OR10A6: variants seen among roughly 807,000 people sequenced by gnomAD.
The protein encoded by OR10A6 is olfactory receptor 10A6.
Under a neutral mutation model 1.5 loss-of-function variants are expected in OR10A6, and 2 were observed. The observed-to-expected ratio is 1.31, with a 90% CI of 0.54 to 4.13. The LOEUF is 4.13. Ranked by LOEUF, OR10A6 falls within the 30% of genes most tolerant of loss-of-function variation. The pLI is 0.07. For missense variants in OR10A6, 492 were observed against 368.6 expected (o/e 1.33, Z -2.74); for synonymous variants, 169 against 137.3 (o/e 1.23, Z -1.61).
chr11:7,927,433 G>C lies in OR10A6; in HGVS notation c.*285C>G, dbSNP rs1393768249. On this transcript the variant is annotated 3_prime_UTR_variant, in exon 4 of 4. Coordinates refer to ENST00000641238, the MANE Select transcript of OR10A6 (RefSeq NM_001004461.2). ...ATTTATGAATATATAAAAACTGGTTGTTTTAGTATTATCTATTGTGACAAA... is the reference window on the plus strand; with the variant it reads ...ATTTATGAATATATAAAAACTGGTTCTTTTAGTATTATCTATTGTGACAAA... 9.5e-6 allele frequency: 3 copies of C among 314,676 alleles called. No individual in the cohort carries two copies. In the Admixed American group the frequency reaches 1.4e-4, roughly 15 times the overall value. The allele number at this position is 314,676 out of a possible 1,614,324, so 19.5% of individuals were successfully genotyped here.
rs903496014 is a variant in OR10A6, at chr11:7,924,768, G to A, written c.*2950C>T. On this transcript the variant is annotated 3_prime_UTR_variant, in exon 4 of 4. Transcript: ENST00000641238. ...TCTAGCTTTCCACTTGGCCTCTGTA[G>A]GGCCTGGCTTTTCTAGTCATGCTTT... 1.3e-5 allele frequency: 2 copies of A among 152,126 alleles called. No individual in the cohort carries two copies. The highest frequency in any genetic ancestry group is 4.8e-5 in the African/African-American group (2 of 41,428). 9.4% of individuals were successfully genotyped at this position (152,126 alleles called of 1,614,324 possible). A position where few individuals can be genotyped will look rare whatever the true frequency, so the allele number is the denominator to read the frequency against.
In OR10A6 at chr11:7,930,186, GC is replaced by G. The variant is rs772288399; in HGVS notation, c.-1525del. 5.9e-5 allele frequency: 9 copies of G among 151,480 alleles called. No individual in the cohort carries two copies. The highest frequency in any genetic ancestry group is 1.3e-4 in the Non-Finnish European group (9 of 67,926). The allele number at this position is 151,480 out of a possible 1,614,324, so 9.4% of individuals were successfully genotyped here. On this transcript the variant is annotated 5_prime_UTR_variant, in exon 4 of 4. Coordinates refer to ENST00000641238, the MANE Select transcript of OR10A6 (RefSeq NM_001004461.2). ...GGAATAGAGTGCCTAAGAGAAGTCA[GC>G]ACACAACACAATTGGAAATTAATAA...
Position 7,926,005 on chromosome 11 carries a change from TC to T in OR10A6, c.*1712del, listed in dbSNP as rs1701572153. On this transcript the variant is annotated 3_prime_UTR_variant, in exon 4 of 4. Coordinates refer to ENST00000641238, the MANE Select transcript of OR10A6 (RefSeq NM_001004461.2). ...ATTTCACATACTTTCCTCTGATTGT[TC>T]CCCGCTCTTCACCTATTTTACATAT... 6.6e-6 allele frequency: 1 copy of T among 152,216 alleles called. No individual in the cohort carries two copies. The highest frequency in any genetic ancestry group is 6.5e-5 in the Admixed American group (1 of 15,274). 9.4% of individuals were successfully genotyped at this position (152,216 alleles called of 1,614,324 possible). A position where few individuals can be genotyped will look rare whatever the true frequency, so the allele number is the denominator to read the frequency against.
chr11:7,927,194 C>G lies in OR10A6; in HGVS notation c.*524G>C, dbSNP rs953963696. 6.6e-6 allele frequency: 1 copy of G among 152,250 alleles called. No homozygotes were observed. The highest frequency in any genetic ancestry group is 1.5e-5 in the Non-Finnish European group (1 of 68,112). 9.4% of individuals were successfully genotyped at this position (152,250 alleles called of 1,614,324 possible). ...CCTACTTATGTATGGAACAGATTTT[C>G]ACTACAGAAGCAGAAAATCTCATCT... On this transcript the variant is annotated 3_prime_UTR_variant, in exon 4 of 4. Coordinates refer to ENST00000641238, the MANE Select transcript of OR10A6 (RefSeq NM_001004461.2).
Position 7,927,729 on chromosome 11 carries a change from G to A in OR10A6, c.934C>T (p.His312Tyr). ...GCTTCTCAACACAGTCAGATTGTGT[G>A]TAAAACCACTCGCCTTCGCCATAAT... is the stretch of plus-strand genomic sequence containing the variant. ...MKLWRRRVVL[H>Y]TI Residue 312 changes from histidine to tyrosine, a missense_variant, in exon 4 of 4, where the codon CAC becomes TAC. Transcript: ENST00000641238. The A allele has an allele frequency of 6.2e-7, 1 of 1,611,328 alleles. No homozygotes were observed. Among genetic ancestry groups the A allele is most frequent in the South Asian group, 1.1e-5 (1 of 90,944 alleles).
chr11:7,928,127 C>T lies in OR10A6; in HGVS notation c.536G>A (p.Cys179Tyr), dbSNP rs1468303977. The T allele has an allele frequency of 1.2e-6, 2 of 1,613,796 alleles. No homozygotes were observed. Among genetic ancestry groups the T allele is most frequent in the Non-Finnish European group, 1.7e-6 (2 of 1,179,996 alleles). Residue 179 changes from cysteine to tyrosine, a missense_variant, in exon 4 of 4, where the codon TGT becomes TAT. Physicochemically the swap from Cys to Tyr is radical, Grantham distance 194. Transcript: ENST00000641238. ...CGLNEINHIS[C>Y]ETPAVLELAC... ...AAGTTCTAACACTGCTGGGGTTTCACAAGATATATGGTTAATTTCATTAAG... is the reference window on the plus strand; with the variant it reads ...AAGTTCTAACACTGCTGGGGTTTCATAAGATATATGGTTAATTTCATTAAG...
chr11:7,926,684 C>T lies in OR10A6; in HGVS notation c.*1034G>A, dbSNP rs771478254. ...TTTGATATAGATTTAATGAGAAGAACCCTTTCTATTTATTATAGCAATATT... is the reference window on the plus strand; with the variant it reads ...TTTGATATAGATTTAATGAGAAGAATCCTTTCTATTTATTATAGCAATATT... On this transcript the variant is annotated 3_prime_UTR_variant, in exon 4 of 4. Coordinates refer to ENST00000641238, the MANE Select transcript of OR10A6 (RefSeq NM_001004461.2). 8.5e-5 allele frequency: 13 copies of T among 152,086 alleles called. No individual in the cohort carries two copies. The highest frequency in any genetic ancestry group is 1.9e-4 in the Non-Finnish European group (13 of 68,002). 9.4% of individuals were successfully genotyped at this position (152,086 alleles called of 1,614,324 possible).
rs1183345290 is a variant in OR10A6, at chr11:7,928,808, G to T, written c.-146C>A. On this transcript the variant is annotated 5_prime_UTR_variant, in exon 4 of 4. Transcript: ENST00000641238. ...GCCTATCCTGACAGAAATTTTCTTT[G>T]GCAATTTTAGACAATGACCAAATAC... 1 of 444,826 alleles carries T rather than the reference G, an allele frequency of 2.2e-6. No individual in the cohort carries two copies. The highest frequency in any genetic ancestry group is 4.1e-5 in the Admixed American group (1 of 24,294). 27.6% of individuals were successfully genotyped at this position (444,826 alleles called of 1,614,324 possible).
At position 7,929,881 on chromosome 11, in the gene OR10A6, TTAAA is replaced by T. The variant is rs1162806988; in HGVS notation, c.-1223_-1220del. The T allele has an allele frequency of 7.1e-6, 1 of 141,758 alleles. No homozygotes were observed. The highest frequency in any genetic ancestry group is 1.5e-5 in the Non-Finnish European group (1 of 65,552). 8.8% of individuals were successfully genotyped at this position (141,758 alleles called of 1,614,324 possible). A position where few individuals can be genotyped will look rare whatever the true frequency, so the allele number is the denominator to read the frequency against. On this transcript the variant is annotated 5_prime_UTR_variant, in exon 4 of 4. Coordinates refer to ENST00000641238, the MANE Select transcript of OR10A6 (RefSeq NM_001004461.2). ...TTAAGAAATATGTGTAAAATATATT[TTAAA>T]TATTTATATAAATATAAACAGATTA...
At position 7,928,206 on chromosome 11, in the gene OR10A6, A is replaced by T. The variant is rs773927414; in HGVS notation, c.457T>A (p.Phe153Ile). Residue 153 changes from phenylalanine (F) to isoleucine (I), a missense_variant, in exon 4 of 4, where the codon TTT becomes ATT. Transcript: ENST00000641238. ...GATGTTTGAACAGTACCTAACATAA[A>T]ACCTAAGGCCCATGAAAATATAATT... The part of the protein sequence containing the change: ...KLIIFSWALG[F>I]MLGTVQTSWV... The T allele has an allele frequency of 9.9e-6, 16 of 1,611,672 alleles. No homozygotes were observed. The African/African-American group carries it at 2.0e-4, about 20-fold the overall frequency.
chr11:7,924,689 G>A lies in OR10A6; in HGVS notation c.*3029C>T, dbSNP rs1342885638. The A allele has an allele frequency of 1.3e-5, 2 of 152,016 alleles. No homozygotes were observed. The highest frequency in any genetic ancestry group is 1.9e-4 in the East Asian group (1 of 5,166). 9.4% of individuals were successfully genotyped at this position (152,016 alleles called of 1,614,324 possible). ...GAAGTAACAGTCAGTAAACAAATAG[G>A]CAGGAGAGGAATGATAAGGTCACTA... On this transcript the variant is annotated 3_prime_UTR_variant, in exon 4 of 4. Coordinates refer to ENST00000641238, the MANE Select transcript of OR10A6 (RefSeq NM_001004461.2).
rs1280545347 is a variant in OR10A6 at position 7,929,971 on chromosome 11, T to TATATGTATATATATATATATATATAC, written c.-1310_-1309insGTATATATATATATATATATACATAT. The TATATGTATATATATATATATATATAC allele has an allele frequency of 2.6e-5, 2 of 76,702 alleles. No individual in the cohort carries two copies. The highest frequency in any genetic ancestry group is 6.9e-4 in the East Asian group (2 of 2,886). 4.8% of individuals were successfully genotyped at this position (76,702 alleles called of 1,614,324 possible). ...TAAGGTATGTGTATGTGTATGTATA[T>TATATGTATATATATATATATATATAC]ATATATATATATATATATATATAAA... On this transcript the variant is annotated 5_prime_UTR_variant, in exon 4 of 4. The change creates a new upstream start codon in the 5' untranslated region. Coordinates refer to ENST00000641238, the MANE Select transcript of OR10A6 (RefSeq NM_001004461.2).
chr11:7,926,154 G>T lies in OR10A6; in HGVS notation c.*1564C>A, dbSNP rs1205005088. Reference sequence around the variant, plus strand: ...ACTTCCCATTTTGAGTCCCTAAAAGGTCCTGGACCCAGCCACCATGGTGGG... The same window carrying T: ...ACTTCCCATTTTGAGTCCCTAAAAGTTCCTGGACCCAGCCACCATGGTGGG... On this transcript the variant is annotated 3_prime_UTR_variant, in exon 4 of 4. Coordinates refer to ENST00000641238, the MANE Select transcript of OR10A6 (RefSeq NM_001004461.2). The T allele has an allele frequency of 2.0e-5, 3 of 152,296 alleles. No individual in the cohort carries two copies. Among genetic ancestry groups the T allele is most frequent in the East Asian group, 3.8e-4 (2 of 5,200 alleles). The allele number at this position is 152,296 out of a possible 1,614,324, so 9.4% of individuals were successfully genotyped here. A position where few individuals can be genotyped will look rare whatever the true frequency, so the allele number is the denominator to read the frequency against.
In OR10A6 at chr11:7,924,735, A is replaced by T. The variant is rs921838350; in HGVS notation, c.*2983T>A. On this transcript the variant is annotated 3_prime_UTR_variant, in exon 4 of 4. Transcript: ENST00000641238. ...CACTACGCAATGCCGTCACAGACCC[A>T]GGGGCCCTCTAGCTTTCCACTTGGC... The T allele has an allele frequency of 1.3e-5, 2 of 152,158 alleles. No individual in the cohort carries two copies. Among genetic ancestry groups the T allele is most frequent in the Non-Finnish European group, 2.9e-5 (2 of 68,046 alleles). The allele number at this position is 152,158 out of a possible 1,614,324, so 9.4% of individuals were successfully genotyped here.
In OR10A6 at chr11:7,929,964, A is replaced by ATATATG. The variant is rs1554906107; in HGVS notation, c.-1303_-1302insCATATA. 2.4e-4 allele frequency: 12 copies of ATATATG among 49,142 alleles called. No individual in the cohort carries two copies. The highest frequency in any genetic ancestry group is 1.0e-3 in the East Asian group (2 of 1,960). The allele number at this position is 49,142 out of a possible 1,614,324, so 3.0% of individuals were successfully genotyped here. ...GCTCTAGTAAGGTATGTGTATGTGT[A>ATATATG]TGTATATATATATATATATATATAT... On this transcript the variant is annotated 5_prime_UTR_variant, in exon 4 of 4. Transcript: ENST00000641238.
Position 7,926,621 on chromosome 11 carries a change from C to T in OR10A6, c.*1097G>A, listed in dbSNP as rs1243219982. The T allele has an allele frequency of 6.6e-6, 1 of 152,108 alleles. No homozygotes were observed. Among genetic ancestry groups the T allele is most frequent in the East Asian group, 1.9e-4 (1 of 5,192 alleles). 9.4% of individuals were successfully genotyped at this position (152,108 alleles called of 1,614,324 possible). A position where few individuals can be genotyped will look rare whatever the true frequency, so the allele number is the denominator to read the frequency against. On this transcript the variant is annotated 3_prime_UTR_variant, in exon 4 of 4. Coordinates refer to ENST00000641238, the MANE Select transcript of OR10A6 (RefSeq NM_001004461.2). ...TTCTAACCGCTTTATTACCCCACCTCCACCCCCAGAGCAGAAATGAAGGGT... is the reference window on the plus strand; with the variant it reads ...TTCTAACCGCTTTATTACCCCACCTTCACCCCCAGAGCAGAAATGAAGGGT...
Position 7,925,815 on chromosome 11 carries a change from T to G in OR10A6, c.*1903A>C, listed in dbSNP as rs1859386066. On this transcript the variant is annotated 3_prime_UTR_variant, in exon 4 of 4. Coordinates refer to ENST00000641238, the MANE Select transcript of OR10A6 (RefSeq NM_001004461.2). Reference sequence around the variant, plus strand: ...GTTTGGTGCCCAAATGAAAACAGTATTATACAACATTCAGATATCACTGAT... The same window carrying G: ...GTTTGGTGCCCAAATGAAAACAGTAGTATACAACATTCAGATATCACTGAT... 1 of 152,320 alleles carries G rather than the reference T, an allele frequency of 6.6e-6. No homozygotes were observed. Among genetic ancestry groups the G allele is most frequent in the African/African-American group, 2.4e-5 (1 of 41,578 alleles). The allele number at this position is 152,320 out of a possible 1,614,324, so 9.4% of individuals were successfully genotyped here. A position where few individuals can be genotyped will look rare whatever the true frequency, so the allele number is the denominator to read the frequency against.
rs1564867330 is a variant in OR10A6, at chr11:7,929,753, T to TATATATATATATATATATAC, written c.-1092_-1091insGTATATATATATATATATAT. The TATATATATATATATATATAC allele has an allele frequency of 8.3e-6, 1 of 120,410 alleles. No individual in the cohort carries two copies. The highest frequency in any genetic ancestry group is 3.0e-5 in the African/African-American group (1 of 33,556). 7.5% of individuals were successfully genotyped at this position (120,410 alleles called of 1,614,324 possible). A position where few individuals can be genotyped will look rare whatever the true frequency, so the allele number is the denominator to read the frequency against. On this transcript the variant is annotated 5_prime_UTR_variant, in exon 4 of 4. In the 5' UTR this introduces an upstream ATG that the reference lacks. Transcript: ENST00000641238. ...ATATATATATATATATATATATATA[T>TATATATATATATATATATAC]ATACACACACATGCACACATATATA...
Position 7,929,962 on chromosome 11 carries a change from G to A in OR10A6, c.-1300C>T, listed in dbSNP as rs940761903. On this transcript the variant is annotated 5_prime_UTR_variant, in exon 4 of 4. Coordinates refer to ENST00000641238, the MANE Select transcript of OR10A6 (RefSeq NM_001004461.2). Reference sequence around the variant, plus strand: ...AAGCTCTAGTAAGGTATGTGTATGTGTATGTATATATATATATATATATAT... The same window carrying A: ...AAGCTCTAGTAAGGTATGTGTATGTATATGTATATATATATATATATATAT... The A allele has an allele frequency of 1.0e-3, 26 of 24,808 alleles. No homozygotes were observed. Among genetic ancestry groups the A allele is most frequent in the South Asian group, 6.5e-3 (3 of 460 alleles). 1.5% of individuals were successfully genotyped at this position (24,808 alleles called of 1,614,324 possible).
Sources: gnomAD v4.1 joint callset for allele counts on GRCh38, gnomAD v4.1.1 for gene constraint, MANE v1.5 for transcripts, NCBI Gene and HGNC (gene_info 2026-07-23, HGNC 2026-07-21) for gene names.